The following PLXDC2 variants were observed in gnomAD, a reference collection of about 807,000 sequenced individuals.
The protein encoded by PLXDC2 is plexin domain containing 2, also known as plexin domain-containing protein 2.
In PLXDC2, 40 loss-of-function variants were observed where a neutral mutation model predicts 68.9. That is an observed-to-expected ratio of 0.58 (90% CI 0.45 to 0.76). The LOEUF (loss-of-function observed/expected upper bound fraction) is 0.76. PLXDC2 is among the 30% of genes least tolerant of loss of function. The probability of loss-of-function intolerance (pLI) is 0.00; values close to 1 mark genes in which losing one functional copy is unlikely to be tolerated. For missense variants in PLXDC2, 644 were observed against 661.9 expected, an observed-to-expected ratio of 0.97 and a Z score of 0.30; for synonymous variants, 243 against 234.2, an observed-to-expected ratio of 1.04 and a Z score of -0.34.
chr10:19,821,420 T>C (rs1261444983), intron 1 of PLXDC2, among the ~76,000 whole-genome samples: 2 of 152,374 alleles, frequency 1.3e-5, no homozygotes, highest in African/African-American at 4.8e-5. Context: ...GAATTCTCAG[T>C]GCACTTTATG....
chr10:20,093,115 T>C (rs1227894274), intron 4 of PLXDC2, among the ~76,000 whole-genome samples: 2 of 152,188 alleles, frequency 1.3e-5, no homozygotes, highest in Non-Finnish European at 2.9e-5. Flanking sequence ...TCTTCTGTCC[T>C]TATAATTGAT....
At chr10:20,094,809 T>C (rs965874113) in intron 4 of PLXDC2, among the ~76,000 whole-genome samples, 2 of 152,204 alleles carry the variant, frequency 1.3e-5, no homozygotes, top group Non-Finnish European at 2.9e-5. Flanking sequence ...GAAGACTTTT[T>C]CCTCTGGGAC....
At chr10:19,863,628 C>A (rs1837358872) in intron 1 of PLXDC2, among the ~76,000 whole-genome samples, 1 of 152,070 alleles carries the variant, frequency 6.6e-6, no homozygotes, top group African/African-American at 2.4e-5. Context: ...GACTTAGTAC[C>A]CGAAAGAAAC....
At chr10:19,977,181 G>A (rs1442198657) in intron 1 of PLXDC2, among the ~76,000 whole-genome samples, 1 of 152,132 alleles carries the variant, frequency 6.6e-6, no homozygotes, top group East Asian at 1.9e-4. Flanking sequence ...AAAGCCGATT[G>A]GCATTCACTC....
In PLXDC2 at chr10:19,890,628, G is replaced by A. The variant is rs1837941000; in HGVS notation, c.112+73437G>A. On this transcript the variant is annotated intron_variant, in intron 1 of 13. Coordinates refer to ENST00000377252, the MANE Select transcript of PLXDC2 (RefSeq NM_032812.9). ...CTGACCTCGTGATCCACCCGCCTCA[G>A]CATCCCAAAGTGCTGGGATTACAGG... is the stretch of plus-strand genomic sequence containing the variant. 2.2e-5 allele frequency among the ~76,000 whole-genome samples: 3 copies of A among 134,924 alleles called. No homozygotes were observed. In the South Asian group the frequency reaches 7.9e-4, roughly 36 times the overall value. The allele number at this position is 134,924 out of a possible 152,430, so 88.5% of individuals were successfully genotyped here.
intron 9 of PLXDC2, among the ~76,000 whole-genome samples, chr10:20,209,206 G>A (rs1239945063): frequency 1.3e-5 from 2 of 152,092 alleles, no homozygotes; most frequent in South Asian, 2.1e-4. Context: ...GGAGTGCTAC[G>A]GGAGACTGGA....
intron 1 of PLXDC2, among the ~76,000 whole-genome samples, chr10:19,874,666 A>C (rs1335134012): frequency 1.3e-5 from 2 of 152,186 alleles, no homozygotes; most frequent in African/African-American, 4.8e-5. Context: ...TTTTCTTTCT[A>C]GGAGCTGGGG....
intron 1 of PLXDC2, among the ~76,000 whole-genome samples, chr10:19,869,229 T>G (rs1252594686): frequency 6.6e-6 from 1 of 151,908 alleles, no homozygotes; most frequent in Non-Finnish European, 1.5e-5. Flanking sequence ...AAACCTCGTC[T>G]CACAAAAAGT....
intron 1 of PLXDC2, among the ~76,000 whole-genome samples, chr10:19,976,160 T>C (rs974349818): frequency 6.6e-6 from 1 of 152,162 alleles, no homozygotes; most frequent in African/African-American, 2.4e-5. Context: ...TCTTCTAGTT[T>C]TCCTGTGTTA....
chr10:19,860,468 C>G (rs1233195671), intron 1 of PLXDC2, among the ~76,000 whole-genome samples: 4 of 152,172 alleles, frequency 2.6e-5, no homozygotes, highest in Non-Finnish European at 5.9e-5. Flanking sequence ...CTAGACATCA[C>G]AAGAGTATCT....
At chr10:20,103,293 A>C (rs907593981) in intron 4 of PLXDC2, among the ~76,000 whole-genome samples, 1 of 152,226 alleles carries the variant, frequency 6.6e-6, no homozygotes, top group South Asian at 2.1e-4. Context: ...CAATGCAGTC[A>C]TATAATTTTT....
At chr10:19,869,471 G>A (rs1034365820) in intron 1 of PLXDC2, among the ~76,000 whole-genome samples, 5 of 78,778 alleles carry the variant, frequency 6.3e-5, no homozygotes, top group African/African-American at 1.1e-4. Flanking sequence ...GAGAGAAAGG[G>A]GGGGGGGGGA....
intron 4 of PLXDC2, among the ~76,000 whole-genome samples, chr10:20,090,097 C>A (rs1325866165): frequency 1.3e-5 from 2 of 152,134 alleles, no homozygotes; most frequent in Non-Finnish European, 2.9e-5. Flanking sequence ...GTTGGTAAAC[C>A]AGCTGTCCTA....
Position 19,848,049 on chromosome 10 carries a change from G to A in PLXDC2, c.112+30858G>A, listed in dbSNP as rs1212125644. On this transcript the variant is annotated intron_variant, in intron 1 of 13. Transcript: ENST00000377252. ...ACATTAGAAATTGAAGTCTGGTGCG[G>A]TGGCTCATGCCTGTAATCCCAGTAT... 2.0e-5 allele frequency among the ~76,000 whole-genome samples: 3 copies of A among 152,260 alleles called. No individual in the cohort carries two copies. In the East Asian group the frequency reaches 5.8e-4, roughly 29 times the overall value.
intron 1 of PLXDC2, among the ~76,000 whole-genome samples, chr10:19,831,070 T>C (rs1836682034): frequency 6.6e-6 from 1 of 152,106 alleles, no homozygotes; most frequent in Admixed American, 6.6e-5. Context: ...AGAAGGCAAT[T>C]AATAAATACT....
Position 20,023,157 on chromosome 10 carries a change from A to G in PLXDC2, c.324+21171A>G, listed in dbSNP as rs901664518. Among the ~76,000 whole-genome samples the G allele has an allele frequency of 2.2e-5, 3 of 136,836 alleles. No homozygotes were observed. In the Admixed American group the frequency reaches 2.2e-4, roughly 10 times the overall value. 89.8% of individuals were successfully genotyped at this position (136,836 alleles called of 152,430 possible). ...CACAATACAATGTTTATATATATAT[A>G]TTATCTACAATCCGTATTGTTTCAG... On this transcript the variant is annotated intron_variant, in intron 2 of 13. Transcript: ENST00000377252.
intron 6 of PLXDC2, among the ~76,000 whole-genome samples, chr10:20,158,662 C>CAAATAAATAAATAAATAAAT (rs1235836557): frequency 6.9e-6 from 1 of 144,608 alleles, no homozygotes; most frequent in African/African-American, 2.5e-5. Flanking sequence ...GACTCTGTCT[C>CAAATAAATAAATAAATAAAT]AAATAAATAA....
chr10:20,214,444 CCT>C (rs910449287), intron 10 of PLXDC2, among the ~76,000 whole-genome samples: 9 of 152,060 alleles, frequency 5.9e-5, no homozygotes, highest in Non-Finnish European at 1.2e-4. Context: ...ATTTTTCTCC[CCT>C]GTCTACTACT....
At chr10:20,137,283 CTT>C (rs1490233336) in intron 4 of PLXDC2, among the ~76,000 whole-genome samples, 2 of 152,156 alleles carry the variant, frequency 1.3e-5, no homozygotes, top group African/African-American at 2.4e-5. Flanking sequence ...AGTACTGACT[CTT>C]TCAGCCATCA....
Sources: gnomAD v4.1 joint callset for allele counts (sites outside exome capture counted in the v4.1 genomes callset) on GRCh38, gnomAD v4.1.1 for gene constraint, MANE v1.5 for transcripts, NCBI Gene and HGNC (gene_info 2026-07-23, HGNC 2026-07-21) for gene names.